Variants in HNRNPA0 observed in about 807,000 individuals in gnomAD.
The protein encoded by HNRNPA0 is hnRNA binding protein.
For missense variants in HNRNPA0, 252 were observed against 433.7 expected, an observed-to-expected ratio of 0.58 and a Z score of 3.72; for synonymous variants, 243 against 195.5, an observed-to-expected ratio of 1.24 and a Z score of -2.03.
In HNRNPA0 at chr5:137,749,483, T is replaced by C. The variant is rs1753461593; in HGVS notation, c.*3666A>G. 1 of 152,188 alleles carries C rather than the reference T, an allele frequency of 6.6e-6. No individual in the cohort carries two copies. Among genetic ancestry groups the C allele is most frequent in the African/African-American group, 2.4e-5 (1 of 41,440 alleles). 9.4% of individuals were successfully genotyped at this position (152,188 alleles called of 1,614,324 possible). A position where few individuals can be genotyped will look rare whatever the true frequency, so the allele number is the denominator to read the frequency against. On this transcript the variant is annotated 3_prime_UTR_variant, in exon 1 of 1. Transcript: ENST00000314940. ...ATAATAAATGTTTTACCTTGTAACA[T>C]TTAAATTCTCATTCAAGGCAAATAT...
rs1306878997 is a variant in HNRNPA0, at chr5:137,748,186, C to T, written c.*4963G>A. ...CTAAAATGCCCTCTTTCTCCTCCCA[C>T]CTTCTCTATAAGACCTATCTTTTAA... On this transcript the variant is annotated 3_prime_UTR_variant, in exon 1 of 1. Coordinates refer to ENST00000314940, the MANE Select transcript of HNRNPA0 (RefSeq NM_006805.4). 1 of 152,232 alleles carries T rather than the reference C, an allele frequency of 6.6e-6. No homozygotes were observed. Among genetic ancestry groups the T allele is most frequent in the East Asian group, 1.9e-4 (1 of 5,204 alleles). 9.4% of individuals were successfully genotyped at this position (152,232 alleles called of 1,614,324 possible). A position where few individuals can be genotyped will look rare whatever the true frequency, so the allele number is the denominator to read the frequency against.
At position 137,753,342 on chromosome 5, in the gene HNRNPA0, G is replaced by A. The variant is rs1054623629; in HGVS notation, c.725C>T (p.Ser242Phe). 4 of 1,551,230 alleles carry A rather than the reference G, an allele frequency of 2.6e-6. No individual in the cohort carries two copies. The highest frequency in any genetic ancestry group is 3.5e-6 in the Non-Finnish European group (4 of 1,148,478). The change falls in exon 1 of 1, where the codon TCC (serine) becomes TTC (phenylalanine). Residue 242 changes from serine (S) to phenylalanine (F), a missense_variant. Physicochemically the swap from Ser to Phe is radical, Grantham distance 155. Coordinates refer to ENST00000314940, the MANE Select transcript of HNRNPA0 (RefSeq NM_006805.4). This position sits in a 1 kb window ranked among gnomAD's most constrained non-coding sequence, Gnocchi z 6.1. ...NAYGGGGGGS[S>F]YGGSDYGNGF... The stretch of plus-strand genomic sequence containing the variant: ...GTTACCGTAGTCGCTCCCACCGTAG[G>A]ACGAACCGCCGCCGCCGCCTCCGTA...
At position 137,746,165 on chromosome 5, in the gene HNRNPA0, T is replaced by G. The variant is rs374338141; in HGVS notation, c.*6984A>C. On this transcript the variant is annotated 3_prime_UTR_variant, in exon 1 of 1. Transcript: ENST00000314940. ...ATATATGTAGATACCTATGGTAGAG[T>G]TGAAAAGATTGTGGATCACTTATAC... The G allele has an allele frequency of 1.3e-5, 2 of 152,130 alleles. No homozygotes were observed. Among genetic ancestry groups the G allele is most frequent in the Admixed American group, 1.3e-4 (2 of 15,270 alleles). The allele number at this position is 152,130 out of a possible 1,614,324, so 9.4% of individuals were successfully genotyped here.
At position 137,753,638 on chromosome 5, in the gene HNRNPA0, G is replaced by A. The variant is rs1561630431; in HGVS notation, c.429C>T (p.Phe143=). The change falls in exon 1 of 1, where the codon TTC becomes TTT. Residue 143 remains phenylalanine (F), a synonymous_variant. Transcript: ENST00000314940. The surrounding 1 kb of genome is among the most constrained non-coding windows in gnomAD (Gnocchi z 6.1). ...KQSGKKRGFG[F]VYFQNHDAAD... is the part of the protein sequence containing the mutation. ...CCGCGTCGTGATTCTGGAAATACAC[G>A]AAGCCGAATCCACGCTTCTTGCCGG... 12 of 1,614,138 alleles carry A rather than the reference G, an allele frequency of 7.4e-6. No homozygotes were observed. Among genetic ancestry groups the A allele is most frequent in the South Asian group, 1.1e-5 (1 of 91,090 alleles).
chr5:137,753,803 C>G lies in HNRNPA0; in HGVS notation c.264G>C (p.Ser88=), dbSNP rs1561630514. 1.2e-6 allele frequency: 2 copies of G among 1,610,566 alleles called. No individual in the cohort carries two copies. The highest frequency in any genetic ancestry group is 3.3e-5 in the Admixed American group (2 of 60,014). The change falls in exon 1 of 1, where the codon TCG becomes TCC. Residue 88 remains serine (S), a synonymous_variant. Coordinates refer to ENST00000314940, the MANE Select transcript of HNRNPA0 (RefSeq NM_006805.4). This position sits in a 1 kb window ranked among gnomAD's most constrained non-coding sequence, Gnocchi z 6.1. ...CCTTGGCGTGGGCACCGGGCCGCGC[C>G]GAATCCTCCCGGGACACCGCCCGCT... ...ELKRAVSRED[S]ARPGAHAKVK...
chr5:137,753,029 C>A lies in HNRNPA0; in HGVS notation c.*120G>T. On this transcript the variant is annotated 3_prime_UTR_variant, in exon 1 of 1. Transcript: ENST00000314940. This position sits in a 1 kb window ranked among gnomAD's most constrained non-coding sequence, Gnocchi z 6.1. ...GGGTAAGCAGCCTTAGAAGTGGCTC[C>A]CCCAAGGGCAAAACAGGGAAGGCGG... 1 of 1,126,856 alleles carries A rather than the reference C, an allele frequency of 8.9e-7. No homozygotes were observed. The highest frequency in any genetic ancestry group is 1.3e-6 in the Non-Finnish European group (1 of 799,268). 69.8% of individuals were successfully genotyped at this position (1,126,856 alleles called of 1,614,324 possible). A position where few individuals can be genotyped will look rare whatever the true frequency, so the allele number is the denominator to read the frequency against.
rs999015419 is a variant in HNRNPA0, at chr5:137,748,047, T to C, written c.*5102A>G. 8 of 152,174 alleles carry C rather than the reference T, an allele frequency of 5.3e-5. No individual in the cohort carries two copies. Among genetic ancestry groups the C allele is most frequent in the African/African-American group, 1.9e-4 (8 of 41,454 alleles). 9.4% of individuals were successfully genotyped at this position (152,174 alleles called of 1,614,324 possible). On this transcript the variant is annotated 3_prime_UTR_variant, in exon 1 of 1. Transcript: ENST00000314940. The stretch of plus-strand genomic sequence containing the variant: ...TGGCATGAGATTTAGCAACCTTATC[T>C]GTGAAGGTTACTGAATGATGCAATG...
rs991635453 is a variant in HNRNPA0, at chr5:137,747,417, G to C, written c.*5732C>G. On this transcript the variant is annotated 3_prime_UTR_variant, in exon 1 of 1. Coordinates refer to ENST00000314940, the MANE Select transcript of HNRNPA0 (RefSeq NM_006805.4). ...TGCGCAAGACACAATGCTTCAATGT[G>C]CTACCAGCATCTTCAACTATGTCCA... The C allele has an allele frequency of 5.9e-5, 9 of 152,172 alleles. No homozygotes were observed. Among genetic ancestry groups the C allele is most frequent in the Non-Finnish European group, 1.3e-4 (9 of 68,026 alleles). The allele number at this position is 152,172 out of a possible 1,614,324, so 9.4% of individuals were successfully genotyped here.
chr5:137,748,754 A>C lies in HNRNPA0; in HGVS notation c.*4395T>G, dbSNP rs1378915198. The C allele has an allele frequency of 6.6e-6, 1 of 152,174 alleles. No homozygotes were observed. The highest frequency in any genetic ancestry group is 1.5e-5 in the Non-Finnish European group (1 of 68,014). The allele number at this position is 152,174 out of a possible 1,614,324, so 9.4% of individuals were successfully genotyped here. A position where few individuals can be genotyped will look rare whatever the true frequency, so the allele number is the denominator to read the frequency against. On this transcript the variant is annotated 3_prime_UTR_variant, in exon 1 of 1. Coordinates refer to ENST00000314940, the MANE Select transcript of HNRNPA0 (RefSeq NM_006805.4). ...CGTCCTTAAGGGCTATGAAATATTA[A>C]ATCAGATACCCACTATGAAGCAAAT...
Position 137,753,013 on chromosome 5 carries a change from G to A in HNRNPA0, c.*136C>T, listed in dbSNP as rs1164673723. The stretch of plus-strand genomic sequence containing the variant: ...AGAGGAACACCCCCAAGGGTAAGCA[G>A]CCTTAGAAGTGGCTCCCCCAAGGGC... On this transcript the variant is annotated 3_prime_UTR_variant, in exon 1 of 1. Transcript: ENST00000314940. This position sits in a 1 kb window ranked among gnomAD's most constrained non-coding sequence, Gnocchi z 6.1. 11 of 878,442 alleles carry A rather than the reference G, an allele frequency of 1.3e-5. No individual in the cohort carries two copies. Among genetic ancestry groups the A allele is most frequent in the Admixed American group, 2.8e-5 (1 of 35,110 alleles). The allele number at this position is 878,442 out of a possible 1,614,324, so 54.4% of individuals were successfully genotyped here. A position where few individuals can be genotyped will look rare whatever the true frequency, so the allele number is the denominator to read the frequency against.
chr5:137,753,383 G>A lies in HNRNPA0; in HGVS notation c.684C>T (p.Gly228=), dbSNP rs1392602727. The A allele has an allele frequency of 2.6e-6, 4 of 1,543,966 alleles. No homozygotes were observed. The highest frequency in any genetic ancestry group is 2.5e-5 in the East Asian group (1 of 40,792). ...CGCCTCCGTAGGCATTGTAGCCGCC[G>A]CCTCCGCCGCCGCCGTAACCACCGT... The part of the protein sequence containing the change: ...NSYGGYGGGG[G]GGYNAYGGGG... The change falls in exon 1 of 1, where the codon GGC becomes GGT. Residue 228 remains glycine (G), a synonymous_variant. Transcript: ENST00000314940. This position sits in a 1 kb window ranked among gnomAD's most constrained non-coding sequence, Gnocchi z 6.1.
At position 137,753,296 on chromosome 5, in the gene HNRNPA0, G is replaced by A. The variant is rs1377353894; in HGVS notation, c.771C>T (p.Ser257=). ...CATAGGAGGACTGATGCTGGCTGTA[G>A]CTGCCGAAGCCGCCGAAGCCGTTAC... ...DYGNGFGGFG[S]YSQHQSSYGP... The change falls in exon 1 of 1, where the codon AGC becomes AGT. Residue 257 remains serine (S), a synonymous_variant. Coordinates refer to ENST00000314940, the MANE Select transcript of HNRNPA0 (RefSeq NM_006805.4). This position sits in a 1 kb window ranked among gnomAD's most constrained non-coding sequence, Gnocchi z 6.1. The A allele has an allele frequency of 1.3e-6, 2 of 1,580,322 alleles. No homozygotes were observed. Among genetic ancestry groups the A allele is most frequent in the Non-Finnish European group, 1.7e-6 (2 of 1,163,668 alleles).
Position 137,753,731 on chromosome 5 carries a change from G to A in HNRNPA0, c.336C>T (p.Gly112=). 1.9e-6 allele frequency: 3 copies of A among 1,612,952 alleles called. No individual in the cohort carries two copies. The highest frequency in any genetic ancestry group is 2.5e-6 in the Non-Finnish European group (3 of 1,180,028). ...VGGLKGDVAE[G]DLIEHFSQFG... is the part of the protein sequence containing the mutation. ...ACTGCGAGAAGTGCTCGATCAGGTC[G>A]CCCTCAGCCACGTCTCCTTTAAGGC... Residue 112 remains glycine, a synonymous_variant, in exon 1 of 1, where the codon GGC becomes GGT. Transcript: ENST00000314940. This position sits in a 1 kb window ranked among gnomAD's most constrained non-coding sequence, Gnocchi z 6.1.
In HNRNPA0 at chr5:137,750,087, A is replaced by G. The variant is rs1389837763; in HGVS notation, c.*3062T>C. On this transcript the variant is annotated 3_prime_UTR_variant, in exon 1 of 1. Coordinates refer to ENST00000314940, the MANE Select transcript of HNRNPA0 (RefSeq NM_006805.4). ...TTTTGGATACAGTAAATCAGTACCA[A>G]TGAGAGCTTTTTAAATGACCTGAAA... 6.6e-6 allele frequency: 1 copy of G among 152,184 alleles called. No homozygotes were observed. Among genetic ancestry groups the G allele is most frequent in the Non-Finnish European group, 1.5e-5 (1 of 67,996 alleles). 9.4% of individuals were successfully genotyped at this position (152,184 alleles called of 1,614,324 possible).
rs1753473626 is a variant in HNRNPA0, at chr5:137,750,144, A to C, written c.*3005T>G. The stretch of plus-strand genomic sequence containing the variant: ...ACAGATATTCCAATCAAAAAATCTA[A>C]AATGCTCCAAAATCCGAAATTTTTT... On this transcript the variant is annotated 3_prime_UTR_variant, in exon 1 of 1. Transcript: ENST00000314940. The C allele has an allele frequency of 1.3e-5, 2 of 152,184 alleles. No individual in the cohort carries two copies. The highest frequency in any genetic ancestry group is 6.5e-5 in the Admixed American group (1 of 15,282). 9.4% of individuals were successfully genotyped at this position (152,184 alleles called of 1,614,324 possible). A position where few individuals can be genotyped will look rare whatever the true frequency, so the allele number is the denominator to read the frequency against.
rs1268378503 is a variant in HNRNPA0 at position 137,751,601 on chromosome 5, TC to T, written c.*1547del. 3.3e-5 allele frequency: 5 copies of T among 151,790 alleles called. No individual in the cohort carries two copies. In the Admixed American group the frequency reaches 3.3e-4, roughly 10 times the overall value. 9.4% of individuals were successfully genotyped at this position (151,790 alleles called of 1,614,324 possible). A position where few individuals can be genotyped will look rare whatever the true frequency, so the allele number is the denominator to read the frequency against. ...AGAATTGAATTCTTTATTTGTGATATCCATAAACGTTGCTATTCTCTATTTC... is the reference window on the plus strand; with the variant it reads ...AGAATTGAATTCTTTATTTGTGATATCATAAACGTTGCTATTCTCTATTTC... On this transcript the variant is annotated 3_prime_UTR_variant, in exon 1 of 1. Transcript: ENST00000314940.
rs1179734423 is a variant in HNRNPA0 at position 137,746,276 on chromosome 5, T to C, written c.*6873A>G. 1.3e-5 allele frequency: 2 copies of C among 152,222 alleles called. No individual in the cohort carries two copies. Among genetic ancestry groups the C allele is most frequent in the African/African-American group, 2.4e-5 (1 of 41,454 alleles). The allele number at this position is 152,222 out of a possible 1,614,324, so 9.4% of individuals were successfully genotyped here. On this transcript the variant is annotated 3_prime_UTR_variant, in exon 1 of 1. Coordinates refer to ENST00000314940, the MANE Select transcript of HNRNPA0 (RefSeq NM_006805.4). Reference sequence around the variant, plus strand: ...AGGAATAGGAATTTTGGGAAACACATCTTTTAAAATTCAAATCAGATCATG... The same window carrying C: ...AGGAATAGGAATTTTGGGAAACACACCTTTTAAAATTCAAATCAGATCATG...
rs1753505778 is a variant in HNRNPA0 at position 137,751,987 on chromosome 5, C to T, written c.*1162G>A. On this transcript the variant is annotated 3_prime_UTR_variant, in exon 1 of 1. Transcript: ENST00000314940. The stretch of plus-strand genomic sequence containing the variant: ...AATTTTGATGGCAAAACTTCCAAAT[C>T]TGATGCAATTGTCTTAAGCAAGTTT... 1 of 152,580 alleles carries T rather than the reference C, an allele frequency of 6.6e-6. No individual in the cohort carries two copies. The highest frequency in any genetic ancestry group is 1.5e-5 in the Non-Finnish European group (1 of 68,034). The allele number at this position is 152,580 out of a possible 1,614,324, so 9.5% of individuals were successfully genotyped here. A position where few individuals can be genotyped will look rare whatever the true frequency, so the allele number is the denominator to read the frequency against.
rs1227211153 is a variant in HNRNPA0 at position 137,753,935 on chromosome 5, G to A, written c.132C>T (p.Thr44=). ...CGAAGCCAAAGCAACGGGAGCGCTT[G>A]GTCTGGGGATTCACCACCACCACGC... ...TDCVVVVNPQ[T]KRSRCFGFVT... The change falls in exon 1 of 1, where the codon ACC becomes ACT. Residue 44 remains threonine (T), a synonymous_variant. Coordinates refer to ENST00000314940, the MANE Select transcript of HNRNPA0 (RefSeq NM_006805.4). This position sits in a 1 kb window ranked among gnomAD's most constrained non-coding sequence, Gnocchi z 6.1. 6.2e-7 allele frequency: 1 copy of A among 1,613,998 alleles called. No homozygotes were observed. The highest frequency in any genetic ancestry group is 1.3e-5 in the African/African-American group (1 of 74,946).
Sources: gnomAD v4.1 joint callset for allele counts on GRCh38, gnomAD v4.1.1 for gene constraint, Gnocchi (gnomAD v3.1) non-coding constraint, MANE v1.5 for transcripts, NCBI Gene and HGNC (gene_info 2026-07-23, HGNC 2026-07-21) for gene names.